IFI44: variants seen among roughly 807,000 people sequenced by gnomAD.
IFI44 encodes interferon induced protein 44, also known as interferon-induced protein 44.
In IFI44, 42 loss-of-function variants were observed where a neutral mutation model predicts 45.0. The ratio of observed to expected loss-of-function variants is 0.93; its 90% CI spans 0.73 to 1.21. The LOEUF (loss-of-function observed/expected upper bound fraction) is 1.21. Ranked by LOEUF, IFI44 falls within the 50% of genes most tolerant of loss-of-function variation. The pLI, the probability that IFI44 is intolerant of heterozygous loss-of-function variation, is 0.00. For missense variants in IFI44, 623 were observed against 525.8 expected, an observed-to-expected ratio of 1.18 and a Z score of -1.81; for synonymous variants, 221 against 188.6, an observed-to-expected ratio of 1.17 and a Z score of -1.41.
intron 2 of IFI44, among the ~76,000 whole-genome samples, chr1:78,653,212 A>G (rs927173207): frequency 1.3e-5 from 2 of 151,696 alleles, no homozygotes; most frequent in African/African-American, 2.4e-5. Flanking sequence ...TCAATTTTCA[A>G]TGTTTTCCTT....
chr1:78,655,309 CT>C, intron 4 of IFI44, 52 bp from the exon 5 acceptor site: 1 of 1,558,648 alleles, frequency 6.4e-7, no homozygotes, highest in Admixed American at 2.0e-5. Flanking sequence ...TAGACTTCAT[CT>C]CAATTTATAA....
At chr1:78,663,337 C>T in intron 8 of IFI44, 4 of 985,296 alleles carry the variant, frequency 4.1e-6, no homozygotes, top group Non-Finnish European at 4.8e-6. Flanking sequence ...TCATCTTAGT[C>T]CCTCTTCATG....
chr1:78,662,011 T>A (rs1028358005), intron 7 of IFI44, among the ~76,000 whole-genome samples: 1 of 152,212 alleles, frequency 6.6e-6, no homozygotes, highest in Non-Finnish European at 1.5e-5. Flanking sequence ...ATCACAGCAA[T>A]TTTTTGAAAG....
In IFI44 at chr1:78,650,453, A is replaced by C. The variant is rs148896945; in HGVS notation, c.258A>C (p.Lys86Asn). 10 of 1,613,972 alleles carry C rather than the reference A, an allele frequency of 6.2e-6. No individual in the cohort carries two copies. In the African/African-American group the frequency reaches 1.1e-4, roughly 17 times the overall value. ...SIILFALQDT[K>N]ISEWKLGLCT... ...TCCTTTTTGCACTTCAAGATACTAAAATTTCAGAATGGAAACTAGGACTAT... is the reference window on the plus strand; with the variant it reads ...TCCTTTTTGCACTTCAAGATACTAACATTTCAGAATGGAAACTAGGACTAT... Residue 86 changes from lysine (K) to asparagine (N), a missense_variant, in exon 2 of 9, where the codon AAA (lysine) becomes AAC (asparagine). By Grantham distance (94) the Lys-to-Asn change is moderately conservative. Transcript: ENST00000370747.
At chr1:78,661,578 T>C (rs1450982873) in intron 7 of IFI44, among the ~76,000 whole-genome samples, 5 of 152,046 alleles carry the variant, frequency 3.3e-5, no homozygotes, top group Non-Finnish European at 7.4e-5. Context: ...ATGAAAAAAA[T>C]TCCCCCGCAC....
At chr1:78,653,170 G>A (rs1025167142) in intron 2 of IFI44, among the ~76,000 whole-genome samples, 1 of 151,534 alleles carries the variant, frequency 6.6e-6, no homozygotes, top group Admixed American at 6.6e-5. Context: ...ATATTTGTGT[G>A]GTTTGTTTCT....
At chr1:78,657,860 A>G (rs545434265) in intron 5 of IFI44, among the ~76,000 whole-genome samples, 92 of 152,244 alleles carry the variant, frequency 6.0e-4, no homozygotes, top group African/African-American at 2.1e-3. Flanking sequence ...TGTAAAATGT[A>G]CCATCTTGTA....
chr1:78,650,229 GAA>G lies in IFI44; in HGVS notation c.37_38del (p.Lys13AspfsTer12), dbSNP rs772355622. On this transcript the variant is annotated frameshift_variant, in exon 2 of 9. Coordinates refer to ENST00000370747, the MANE Select transcript of IFI44 (RefSeq NM_006417.5). LOFTEE classifies it high-confidence loss of function. ...AVTTRLTWLHEKILQNHFGGK... is the reference protein window; with the variant it reads ...AVTTRLTWLHXKILQNHFGGK... ...GACAACTCGTTTGACATGGTTGCACGAAAAGATCCTGCAAAATCATTTTGGAG... is the reference window on the plus strand; with the variant it reads ...GACAACTCGTTTGACATGGTTGCACGAAGATCCTGCAAAATCATTTTGGAG... The G allele has an allele frequency of 1.2e-5, 20 of 1,606,576 alleles. No individual in the cohort carries two copies. The highest frequency in any genetic ancestry group is 1.4e-5 in the Non-Finnish European group (17 of 1,173,906).
At chr1:78,653,975 C>T (rs1055917555) in intron 2 of IFI44, among the ~76,000 whole-genome samples, 4 of 152,176 alleles carry the variant, frequency 2.6e-5, no homozygotes, top group African/African-American at 9.7e-5. Context: ...AAGTTACACA[C>T]TACTGTTGAG....
chr1:78,655,912 A>G (rs1334759362), intron 5 of IFI44, among the ~76,000 whole-genome samples: 1 of 152,134 alleles, frequency 6.6e-6, no homozygotes, highest in East Asian at 1.9e-4. Context: ...TATATGTTGA[A>G]GTCCCTAGTC....
intron 1 of IFI44, 64 bp from the exon 2 acceptor site, chr1:78,650,122 T>C: frequency 8.1e-7 from 1 of 1,233,278 alleles, no homozygotes; most frequent in East Asian, 2.6e-5. Context: ...TAAATGCAAA[T>C]TTTATAACTA....
At chr1:78,654,973 C>A in intron 3 of IFI44, 41 bp from the exon 4 acceptor site, 1 of 1,419,266 alleles carries the variant, frequency 7.0e-7, no homozygotes, top group South Asian at 1.6e-5. Context: ...GTTTTGCGAC[C>A]TAACCTCAGT....
At chr1:78,662,179 G>A (rs1017340874) in intron 7 of IFI44, among the ~76,000 whole-genome samples, 1 of 152,154 alleles carries the variant, frequency 6.6e-6, no homozygotes, top group African/African-American at 2.4e-5. Flanking sequence ...CTAAGTATGT[G>A]ATAGATTTTC....
chr1:78,660,673 C>A lies in IFI44; in HGVS notation c.1113+19C>A. 1 of 1,472,188 alleles carries A rather than the reference C, an allele frequency of 6.8e-7. No individual in the cohort carries two copies. Among genetic ancestry groups the A allele is most frequent in the Non-Finnish European group, 9.5e-7 (1 of 1,051,030 alleles). The allele number at this position is 1,472,188 out of a possible 1,614,324, so 91.2% of individuals were successfully genotyped here. A position where few individuals can be genotyped will look rare whatever the true frequency, so the allele number is the denominator to read the frequency against. On this transcript the variant is annotated intron_variant, in intron 7 of 8. Transcript: ENST00000370747. ...GTCCAAGGTAATGAATGATGCCCTTCGTAAACACATTTTCTGGGGTATGTT... is the reference window on the plus strand; with the variant it reads ...GTCCAAGGTAATGAATGATGCCCTTAGTAAACACATTTTCTGGGGTATGTT...
intron 7 of IFI44, among the ~76,000 whole-genome samples, chr1:78,661,244 T>C (rs779454102): frequency 3.3e-5 from 5 of 152,038 alleles, no homozygotes; most frequent in Non-Finnish European, 7.4e-5. Context: ...TCTGTATTTT[T>C]GTAGAGATTA....
rs759544964 is a variant in IFI44, at chr1:78,650,318, T to G, written c.123T>G (p.Leu41=). 8.7e-6 allele frequency: 14 copies of G among 1,613,964 alleles called. No homozygotes were observed. The highest frequency in any genetic ancestry group is 1.1e-5 in the South Asian group (1 of 91,080). ...SVHGFRNGVL[L]DRCCNQGPTL... is the part of the protein sequence containing the mutation. The stretch of plus-strand genomic sequence containing the variant: ...ATGGATTCCGTAATGGAGTTTTGCT[T>G]GACAGATGTTGTAATCAAGGGCCTA... The change falls in exon 2 of 9, where the codon CTT becomes CTG. Residue 41 remains leucine (L), a synonymous_variant. Transcript: ENST00000370747.
intron 8 of IFI44, chr1:78,663,084 T>TA: frequency 1.0e-6 from 1 of 985,370 alleles, no homozygotes; most frequent in Non-Finnish European, 1.2e-6. Flanking sequence ...GAATCTGCAC[T>TA]ATGTTTTTCC....
chr1:78,663,691 T>C (rs916997861), intron 8 of IFI44, 74 bp from the exon 9 acceptor site: 2 of 1,577,042 alleles, frequency 1.3e-6, no homozygotes, highest in Non-Finnish European at 1.7e-6. Context: ...TTTTCAGTGG[T>C]CCAATATTCC....
chr1:78,655,111 G>C lies in IFI44; in HGVS notation c.592G>C (p.Gly198Arg). The change falls in exon 4 of 9, where the codon GGG (glycine) becomes CGG (arginine). Residue 198 changes from glycine to arginine, a missense_variant. By Grantham distance (125) the Gly-to-Arg change is moderately radical. Coordinates refer to ENST00000370747, the MANE Select transcript of IFI44 (RefSeq NM_006417.5). Reference protein sequence around the residue: ...RILLLGPIGAGKSSFFNSVRS... With the variant: ...RILLLGPIGARKSSFFNSVRS... ...TCTGCTGCTGGGTCCAATTGGAGCT[G>C]GGAAGTCCAGCTTTTTCAACTCAGT... 1 of 1,613,894 alleles carries C rather than the reference G, an allele frequency of 6.2e-7. No individual in the cohort carries two copies. Among genetic ancestry groups the C allele is most frequent in the Non-Finnish European group, 8.5e-7 (1 of 1,179,882 alleles).
Sources: gnomAD v4.1 joint callset for allele counts (sites outside exome capture counted in the v4.1 genomes callset) on GRCh38, gnomAD v4.1.1 for gene constraint, MANE v1.5 for transcripts, NCBI Gene and HGNC (gene_info 2026-07-23, HGNC 2026-07-21) for gene names.